CHAT: variants seen among roughly 807,000 people sequenced by gnomAD.
The protein encoded by CHAT is acetyl CoA:choline O-acetyltransferase.
CHAT carries 61 observed loss-of-function variants against 76.9 expected under a neutral mutation model. The ratio of observed to expected loss-of-function variants is 0.79; its 90% CI spans 0.65 to 0.98. The LOEUF is 0.98. Among genes scored for constraint, CHAT ranks in the 50% least tolerant of loss-of-function variants. CHAT has a pLI of 0.00. For missense variants in CHAT, 946 were observed against 986.9 expected, an observed-to-expected ratio of 0.96 and a Z score of 0.56; for synonymous variants, 407 against 397.4, an observed-to-expected ratio of 1.02 and a Z score of -0.29.
chr10:49,627,422 G>C (rs1409160480), intron 6 of CHAT, among the ~76,000 whole-genome samples, 186 bp from the exon 7 acceptor site: 1 of 152,138 alleles, frequency 6.6e-6, no homozygotes, highest in African/African-American at 2.4e-5. Flanking sequence ...TTTGATTGGG[G>C]GCAGCGTGGA....
At chr10:49,610,817 A>C (rs769325527), upstream of CHAT, 2 of 1,603,120 alleles carry the variant, frequency 1.2e-6, no homozygotes, top group South Asian at 2.2e-5. Flanking sequence ...GCGGCGCTGC[A>C]GGAGCCCCGG....
At chr10:49,622,514 G>T (rs1004461947) in intron 5 of CHAT, among the ~76,000 whole-genome samples, 2 of 152,354 alleles carry the variant, frequency 1.3e-5, no homozygotes, top group Non-Finnish European at 2.9e-5. Context: ...GCCACTTGGA[G>T]GAATGGTGTC....
intron 1 of CHAT, among the ~76,000 whole-genome samples, chr10:49,615,437 C>A (rs1293680892): frequency 2.6e-5 from 4 of 152,206 alleles, no homozygotes; most frequent in Non-Finnish European, 5.9e-5. Flanking sequence ...CAGCCCCAGG[C>A]TCCTCCATCC....
intron 1 of CHAT, chr10:49,616,138 T>C (rs534106593): frequency 3.2e-6 from 5 of 1,538,822 alleles, no homozygotes; most frequent in East Asian, 4.5e-5. Context: ...GAGAGTTTGA[T>C]TGGCAAAGCA....
At position 49,619,713 on chromosome 10, in the gene CHAT, C is replaced by T. The variant is rs750102042; in HGVS notation, c.388-12C>T. On this transcript the variant is annotated splice_polypyrimidine_tract_variant and intron_variant, in intron 2 of 14. Coordinates refer to ENST00000337653, the MANE Select transcript of CHAT (RefSeq NM_020549.5). Reference sequence around the variant, plus strand: ...TACTAGAGGCACAATGCCTATGAACCCTTTCTTCCAGGGGCTGCCCAAACT... The same window carrying T: ...TACTAGAGGCACAATGCCTATGAACTCTTTCTTCCAGGGGCTGCCCAAACT... 1.9e-6 allele frequency: 3 copies of T among 1,608,120 alleles called. No individual in the cohort carries two copies. The highest frequency in any genetic ancestry group is 1.7e-5 in the Admixed American group (1 of 59,984).
chr10:49,611,458 G>A (rs913848936), upstream of CHAT: 8 of 1,598,436 alleles, frequency 5.0e-6, no homozygotes, highest in African/African-American at 4.0e-5. Context: ...TGAGTTCGCC[G>A]GCAAGCGCGT....
intron 11 of CHAT, among the ~76,000 whole-genome samples, chr10:49,652,840 T>A (rs1211316074): frequency 6.6e-6 from 1 of 150,800 alleles, no homozygotes; most frequent in Non-Finnish European, 1.5e-5. Context: ...CCACGGAAGG[T>A]GTGCGTGTGG....
chr10:49,635,638 A>C (rs1012780170), intron 7 of CHAT, among the ~76,000 whole-genome samples: 1 of 152,056 alleles, frequency 6.6e-6, no homozygotes, highest in African/African-American at 2.4e-5. Flanking sequence ...AGGTGTGAAG[A>C]CAATGCAATC....
intron 14 of CHAT, among the ~76,000 whole-genome samples, chr10:49,663,041 T>C (rs1028440270): frequency 6.6e-6 from 1 of 152,070 alleles, no homozygotes; most frequent in Non-Finnish European, 1.5e-5. Flanking sequence ...GAGACCAGCC[T>C]GGGCAACATG....
At chr10:49,650,497 T>C (rs1046492846) in intron 10 of CHAT, among the ~76,000 whole-genome samples, 2 of 151,946 alleles carry the variant, frequency 1.3e-5, no homozygotes. Flanking sequence ...TGCAAGCAGA[T>C]GGGGAAGAGG....
At chr10:49,610,911 G>A (rs1838275775), upstream of CHAT, 1 of 1,612,292 alleles carries the variant, frequency 6.2e-7, no homozygotes, top group Non-Finnish European at 8.5e-7. Context: ...TGCCCATAGT[G>A]CCCGACTACA....
At chr10:49,629,621 G>C (rs925008253) in intron 7 of CHAT, among the ~76,000 whole-genome samples, 1 of 152,390 alleles carries the variant, frequency 6.6e-6, no homozygotes, top group East Asian at 1.9e-4. Flanking sequence ...TTGCCCCAAG[G>C]TCTGAGCACT....
upstream of CHAT, chr10:49,610,895 T>C (rs769579877): frequency 6.2e-7 from 1 of 1,613,074 alleles, no homozygotes; most frequent in South Asian, 1.1e-5. Flanking sequence ...CTGTACATGG[T>C]CATCGTGCCC....
chr10:49,612,193 C>A (rs376743590), upstream of CHAT: 4 of 1,609,442 alleles, frequency 2.5e-6, no homozygotes, highest in Non-Finnish European at 3.4e-6. Context: ...GCGCGATGTG[C>A]TGCTTGATGA....
intron 14 of CHAT, among the ~76,000 whole-genome samples, chr10:49,663,420 T>A (rs3793798): frequency 0.35 from 52,975 of 152,032 alleles, 10,151 homozygotes; most frequent in Non-Finnish European, 0.45. Flanking sequence ...TGCAGTGAAG[T>A]CTTGGCTTGG....
Position 49,650,349 on chromosome 10 carries a change from G to A in CHAT, c.1511+713G>A, listed in dbSNP as rs550025259. On this transcript the variant is annotated intron_variant, in intron 10 of 14. Coordinates refer to ENST00000337653, the MANE Select transcript of CHAT (RefSeq NM_020549.5). Reference sequence around the variant, plus strand: ...AGTAGACTCCCAGGCCAAAACATGTGATACAGTAAGATTAATGCCAAAAGC... The same window carrying A: ...AGTAGACTCCCAGGCCAAAACATGTAATACAGTAAGATTAATGCCAAAAGC... 3.3e-5 allele frequency among the ~76,000 whole-genome samples: 5 copies of A among 152,230 alleles called. No individual in the cohort carries two copies. In the South Asian group the frequency reaches 1.0e-3, roughly 32 times the overall value.
At chr10:49,619,196 A>G (rs1194527104) in intron 2 of CHAT, among the ~76,000 whole-genome samples, 3 of 152,258 alleles carry the variant, frequency 2.0e-5, no homozygotes, top group Non-Finnish European at 2.9e-5. Flanking sequence ...TGCCCCCTTC[A>G]GGTCCAGAGA....
Position 49,614,122 on chromosome 10 carries a change from C to T in CHAT, c.-68C>T. On this transcript the variant is annotated 5_prime_UTR_variant, in exon 1 of 15. Transcript: ENST00000337653. ...CCTAAATTTGTTGCCCGAGTTCCTC[C>T]GGGAAGCGCTCCGGGTAGATTCTGG... 15 of 1,530,594 alleles carry T rather than the reference C, an allele frequency of 9.8e-6. No homozygotes were observed. Among genetic ancestry groups the T allele is most frequent in the Non-Finnish European group, 5.3e-6 (6 of 1,140,588 alleles). The allele number at this position is 1,530,594 out of a possible 1,614,324, so 94.8% of individuals were successfully genotyped here.
chr10:49,627,863 C>T, intron 7 of CHAT, 78 bp downstream of exon 7: 1 of 1,494,826 alleles, frequency 6.7e-7, no homozygotes, highest in Non-Finnish European at 9.1e-7. Flanking sequence ...TAGGGTTGGG[C>T]CAGGGCCTCA....
Sources: allele counts gnomAD v4.1 joint callset (sites outside exome capture counted in the v4.1 genomes callset), GRCh38; gene constraint gnomAD v4.1.1; transcripts MANE v1.5; gene names NCBI Gene and HGNC (gene_info 2026-07-23, HGNC 2026-07-21).